DSCAML1: variants seen among roughly 807,000 people sequenced by gnomAD.
The protein encoded by DSCAML1 is cell adhesion molecule DSCAML1.
In DSCAML1, 38 loss-of-function variants were observed where a neutral mutation model predicts 200.5. That is an observed-to-expected ratio of 0.19 (90% CI 0.15 to 0.25). The LOEUF (loss-of-function observed/expected upper bound fraction) is 0.25, where lower values mean the gene tolerates loss of function less well. Ranked by LOEUF, DSCAML1 falls within the 10% of genes least tolerant of loss-of-function variation. The pLI is 1.00. For missense variants in DSCAML1, 2,223 were observed against 2,858.8 expected (o/e 0.78, Z 5.07); for synonymous variants, 1,215 against 1,165.0 (o/e 1.04, Z -0.87).
chr11:117,472,063 C>T, intron 14 of DSCAML1, 27 bp from the exon 15 acceptor site: 1 of 1,610,254 alleles, frequency 6.2e-7, no homozygotes, highest in Non-Finnish European at 8.5e-7. Flanking sequence ...TATGTCAAAG[C>T]ATGGCCAGGC....
At chr11:117,627,341 A>G (rs2052069552) in intron 3 of DSCAML1, among the ~76,000 whole-genome samples, 1 of 151,908 alleles carries the variant, frequency 6.6e-6, no homozygotes, top group Non-Finnish European at 1.5e-5. Context: ...CCTCACCACC[A>G]TCTGAGGTGG....
chr11:117,603,959 G>C (rs1265194559), intron 3 of DSCAML1, among the ~76,000 whole-genome samples: 1 of 152,194 alleles, frequency 6.6e-6, no homozygotes, highest in East Asian at 1.9e-4. Flanking sequence ...AGGCATTATT[G>C]GTTCCATTTA....
chr11:117,448,977 A>G (rs1022850379), intron 20 of DSCAML1, among the ~76,000 whole-genome samples: 1 of 152,240 alleles, frequency 6.6e-6, no homozygotes, highest in Non-Finnish European at 1.5e-5. Context: ...AATGGATACT[A>G]ACGGCTAGCC....
chr11:117,520,899 C>T (rs2049873964), intron 6 of DSCAML1, among the ~76,000 whole-genome samples: 1 of 152,036 alleles, frequency 6.6e-6, no homozygotes, highest in Admixed American at 6.6e-5. Flanking sequence ...TACTGTTCTC[C>T]AGCCTGAGAG....
At chr11:117,709,021 T>C (rs1236229810) in intron 3 of DSCAML1, among the ~76,000 whole-genome samples, 1 of 152,236 alleles carries the variant, frequency 6.6e-6, no homozygotes, top group African/African-American at 2.4e-5. Flanking sequence ...AGCTTCAGTT[T>C]CCTCATCTGT....
intron 3 of DSCAML1, among the ~76,000 whole-genome samples, chr11:117,650,162 C>T (rs751155011): frequency 1.3e-5 from 2 of 152,174 alleles, no homozygotes; most frequent in South Asian, 2.1e-4. Context: ...TCCCAGGCCC[C>T]GCCCTGTGCC....
intron 11 of DSCAML1, among the ~76,000 whole-genome samples, chr11:117,484,886 AGT>A (rs55850829): frequency 0.1 from 11,820 of 118,536 alleles, 392 homozygotes; most frequent in Non-Finnish European, 0.12. Flanking sequence ...GCAGAGGAAC[AGT>A]GTGTGTGTGT....
intron 3 of DSCAML1, among the ~76,000 whole-genome samples, chr11:117,706,243 G>T (rs1235914230): frequency 6.6e-6 from 1 of 152,196 alleles, no homozygotes; most frequent in Non-Finnish European, 1.5e-5. Context: ...GTGTCTGCTA[G>T]TGCAAGGTCT....
intron 3 of DSCAML1, among the ~76,000 whole-genome samples, chr11:117,610,709 A>G (rs2137530081): frequency 6.6e-6 from 1 of 151,990 alleles, no homozygotes; most frequent in South Asian, 2.1e-4. Context: ...CCCATCCTTT[A>G]TAATGATTGC....
Position 117,482,004 on chromosome 11 carries a change from C to T in DSCAML1, c.2518G>A (p.Ala840Thr), listed in dbSNP as rs781432059. The part of the protein sequence containing the change: ...DPDRVMRYAI[A>T]TKDNGDEVVS... The stretch of plus-strand genomic sequence containing the variant: ...ACCTCGTCGCCGTTGTCCTTGGTGG[C>T]GATGGCATACCGCATGACGCGGTCA... Residue 840 changes from alanine to threonine, a missense_variant, in exon 12 of 33, where the codon GCC (alanine) becomes ACC (threonine). Transcript: ENST00000651296. The T allele has an allele frequency of 1.5e-5, 25 of 1,614,016 alleles. No individual in the cohort carries two copies. The highest frequency in any genetic ancestry group is 3.3e-5 in the Admixed American group (2 of 60,012).
chr11:117,728,000 G>C (rs1359155786), intron 3 of DSCAML1, among the ~76,000 whole-genome samples: 1 of 152,186 alleles, frequency 6.6e-6, no homozygotes. Context: ...GTGATTTGCT[G>C]TCCCTAAGAA....
At chr11:117,651,711 CAAAAAA>C (rs1193144259) in intron 3 of DSCAML1, among the ~76,000 whole-genome samples, 4 of 31,106 alleles carry the variant, frequency 1.3e-4, no homozygotes, top group African/African-American at 3.2e-4. Flanking sequence ...GACTCTGTCT[CAAAAAA>C]AAAAAAAAAA....
At chr11:117,581,064 T>C (rs1021632173) in intron 3 of DSCAML1, among the ~76,000 whole-genome samples, 1 of 152,184 alleles carries the variant, frequency 6.6e-6, no homozygotes, top group African/African-American at 2.4e-5. Flanking sequence ...ACAAATGTCA[T>C]AGGCTGGAAG....
chr11:117,501,780 C>T (rs930279027), intron 11 of DSCAML1, among the ~76,000 whole-genome samples: 3 of 151,992 alleles, frequency 2.0e-5, no homozygotes, highest in Admixed American at 6.6e-5. Flanking sequence ...GACGTGACCC[C>T]GAGGTGTGGA....
chr11:117,707,024 A>T (rs1321091285), intron 3 of DSCAML1, among the ~76,000 whole-genome samples: 1 of 152,184 alleles, frequency 6.6e-6, no homozygotes, highest in African/African-American at 2.4e-5. Flanking sequence ...AGCAGAATCT[A>T]GTTCCCTTCG....
At position 117,438,064 on chromosome 11, in the gene DSCAML1, C is replaced by G. The variant is rs751271314; in HGVS notation, c.4263G>C (p.Ser1421=). Reference sequence around the variant, plus strand: ...CCTTCCACTCCTCGCTGTTGTCCACCGAGTACTGTAGCACGAAGCCTGCGG... The same window carrying G: ...CCTTCCACTCCTCGCTGTTGTCCACGGAGTACTGTAGCACGAAGCCTGCGG... The part of the protein sequence containing the change: ...SSIRGFVLQY[S]VDNSEEWKDV... Residue 1421 remains serine (S), a synonymous_variant, in exon 25 of 33, where the codon TCG becomes TCC. Transcript: ENST00000651296. 2 of 1,613,518 alleles carry G rather than the reference C, an allele frequency of 1.2e-6. No homozygotes were observed. Among genetic ancestry groups the G allele is most frequent in the Admixed American group, 3.3e-5 (2 of 59,980 alleles).
chr11:117,505,929 G>T lies in DSCAML1; in HGVS notation c.1784-197C>A, dbSNP rs75199528. Among the ~76,000 whole-genome samples the T allele has an allele frequency of 9.8e-3, 1,488 of 152,316 alleles. 19 individuals carry two copies. Among genetic ancestry groups the T allele is most frequent in the African/African-American group, 0.033 (1,389 of 41,560 alleles). On this transcript the variant is annotated intron_variant, in intron 8 of 32. Transcript: ENST00000651296. This position sits in a 1 kb window ranked among gnomAD's most constrained non-coding sequence, Gnocchi z 6.7. ...CCTGTCCCTCTGCCCGCCCAGGCTG[G>T]GACCCACTGTCTCTGTTCAGGGCCT...
At chr11:117,459,168 C>T (rs1234270935) in intron 18 of DSCAML1, among the ~76,000 whole-genome samples, 1 of 152,250 alleles carries the variant, frequency 6.6e-6, no homozygotes, top group African/African-American at 2.4e-5. Flanking sequence ...TGACCTTGCA[C>T]CAACTTCACC....
chr11:117,528,564 G>A (rs916455344), intron 4 of DSCAML1, among the ~76,000 whole-genome samples: 3 of 152,184 alleles, frequency 2.0e-5, no homozygotes, highest in African/African-American at 7.2e-5. Context: ...GCCCTGGGGA[G>A]GCTGCTGGGA....
Sources: gnomAD v4.1 joint callset for allele counts (sites outside exome capture counted in the v4.1 genomes callset) on GRCh38, gnomAD v4.1.1 for gene constraint, Gnocchi (gnomAD v3.1) non-coding constraint, MANE v1.5 for transcripts, NCBI Gene and HGNC (gene_info 2026-07-23, HGNC 2026-07-21) for gene names.